The following RBMY1A1 variants were observed in gnomAD, a reference collection of about 807,000 sequenced individuals.
The protein encoded by RBMY1A1 is RNA binding motif protein Y-linked family 1 member A1, also known as RNA-binding motif protein, Y chromosome, family 1 member A1.
In RBMY1A1 at chrY:21,548,230, CT is replaced by C. The variant is rs1603588656; in HGVS notation, c.1104-9del. 1 of 73,673 alleles carries C rather than the reference CT, an allele frequency of 1.4e-5. No individual in the cohort carries two copies. Among genetic ancestry groups the C allele is most frequent in the East Asian group, 2.1e-4 (1 of 4,669 alleles). 18.4% of individuals were successfully genotyped at this position (73,673 alleles called of 400,897 possible). A position where few individuals can be genotyped will look rare whatever the true frequency, so the allele number is the denominator to read the frequency against. On this transcript the variant is annotated intron_variant, in intron 10 of 11. Transcript: ENST00000382707. ...ATTGTTCATTCTGAAATTGAAAAGA[CT>C]TTTTTTTTTTCAATTTAGTTATCAT...
chrY:21,548,011 AG>A, intron 9 of RBMY1A1, 41 bp from the exon 10 acceptor site: 1 of 143,161 alleles, frequency 7.0e-6, no homozygotes, highest in Non-Finnish European at 1.2e-5. Flanking sequence ...GGATACTAGA[AG>A]GTGACAATTT....
intron 9 of RBMY1A1, 57 bp from the exon 10 acceptor site, chrY:21,547,996 G>C: frequency 5.1e-6 from 1 of 197,805 alleles, no homozygotes; most frequent in South Asian, 5.0e-5. Flanking sequence ...ATGTAGTTAT[G>C]TTTTGGATAC....
Sources: allele counts gnomAD v4.1 joint callset, GRCh38; gene constraint gnomAD v4.1.1; transcripts MANE v1.5; gene names NCBI Gene and HGNC (gene_info 2026-07-23, HGNC 2026-07-21).